NTM: variants seen among roughly 807,000 people sequenced by gnomAD.
The protein encoded by NTM is IgLON family member 2.
NTM carries 13 observed loss-of-function variants against 42.1 expected under a neutral mutation model. The observed-to-expected ratio is 0.31, with a 90% CI of 0.20 to 0.49. NTM has a LOEUF of 0.49. Among genes scored for constraint, NTM ranks in the 20% least tolerant of loss-of-function variants. The pLI is 0.99. For missense variants in NTM, 373 were observed against 452.8 expected (o/e 0.82, Z 1.60); for synonymous variants, 187 against 179.2 (o/e 1.04, Z -0.35).
chr11:131,752,174 G>T (rs1198515466), intron 1 of NTM, among the ~76,000 whole-genome samples: 1 of 152,168 alleles, frequency 6.6e-6, no homozygotes, highest in Non-Finnish European at 1.5e-5. Context: ...AATGGAAAAT[G>T]CTAGAACCAC....
At chr11:132,115,394 A>G (rs2063743468) in intron 2 of NTM, among the ~76,000 whole-genome samples, 1 of 152,244 alleles carries the variant, frequency 6.6e-6, no homozygotes. Flanking sequence ...CACAATGTAT[A>G]TGAATGGGAA....
chr11:131,892,911 C>T (rs1195133009), intron 1 of NTM, among the ~76,000 whole-genome samples: 2 of 152,230 alleles, frequency 1.3e-5, no homozygotes, highest in African/African-American at 2.4e-5. Context: ...GCCTGCTGTT[C>T]TTCCCTGGGA....
At chr11:132,009,795 C>T (rs1254570123) in intron 2 of NTM, among the ~76,000 whole-genome samples, 2 of 152,156 alleles carry the variant, frequency 1.3e-5, no homozygotes, top group Non-Finnish European at 2.9e-5. Context: ...CATCCGTCAT[C>T]GGTGTGTTTT....
chr11:131,789,581 A>G lies in NTM; in HGVS notation c.83-121983A>G, dbSNP rs1220420314. Reference sequence around the variant, plus strand: ...GAAGAAGAAGAAGAAGAAGAAGAAGAAGAAGAAGAAGAAGAAGAAGAAGAA... The same window carrying G: ...GAAGAAGAAGAAGAAGAAGAAGAAGGAGAAGAAGAAGAAGAAGAAGAAGAA... On this transcript the variant is annotated intron_variant, in intron 1 of 8. Transcript: ENST00000683400. Among the ~76,000 whole-genome samples, 39 of 59,010 alleles carry G rather than the reference A, an allele frequency of 6.6e-4. 3 individuals carry two copies. The highest frequency in any genetic ancestry group is 2.4e-3 in the African/African-American group (27 of 11,108). 38.7% of individuals were successfully genotyped at this position (59,010 alleles called of 152,430 possible). A position where few individuals can be genotyped will look rare whatever the true frequency, so the allele number is the denominator to read the frequency against.
At chr11:132,236,869 G>C (rs1389017936) in intron 4 of NTM, among the ~76,000 whole-genome samples, 1 of 152,194 alleles carries the variant, frequency 6.6e-6, no homozygotes, top group African/African-American at 2.4e-5. Flanking sequence ...TCGAAGGCCA[G>C]GTTACCGAAG....
chr11:131,717,529 C>T (rs571320215), intron 1 of NTM, among the ~76,000 whole-genome samples: 7 of 152,310 alleles, frequency 4.6e-5, no homozygotes, highest in African/African-American at 1.2e-4. Context: ...TCACGTTGCT[C>T]ATTACTAGTG....
chr11:131,649,063 A>G (rs2066134578), intron 1 of NTM, among the ~76,000 whole-genome samples: 1 of 152,168 alleles, frequency 6.6e-6, no homozygotes, highest in South Asian at 2.1e-4. Flanking sequence ...GCACTATGAC[A>G]GGTGCACGGG....
chr11:131,975,826 G>T (rs73031514), intron 2 of NTM, among the ~76,000 whole-genome samples: 3,054 of 152,120 alleles, frequency 0.02, 44 homozygotes, highest in Non-Finnish European at 0.03. Context: ...TCAATCTCTG[G>T]TCATCAGGAA....
At chr11:131,677,113 A>G (rs1441972423) in intron 1 of NTM, among the ~76,000 whole-genome samples, 1 of 152,198 alleles carries the variant, frequency 6.6e-6, no homozygotes, top group Non-Finnish European at 1.5e-5. Flanking sequence ...GCACGGTGGG[A>G]TAGGAGGAAC....
At chr11:131,996,997 C>T (rs2068175268) in intron 2 of NTM, among the ~76,000 whole-genome samples, 1 of 152,198 alleles carries the variant, frequency 6.6e-6, no homozygotes, top group Admixed American at 6.5e-5. Flanking sequence ...CAACCCATAG[C>T]CTCCATGATC....
chr11:132,118,020 A>T (rs1488677860), intron 2 of NTM, among the ~76,000 whole-genome samples: 1 of 152,056 alleles, frequency 6.6e-6, no homozygotes, highest in Non-Finnish European at 1.5e-5. Flanking sequence ...CAATCTTGTC[A>T]CTCCCATCTG....
chr11:131,374,281 TAGG>T (rs1281105246), intron 1 of NTM, among the ~76,000 whole-genome samples: 1 of 152,152 alleles, frequency 6.6e-6, no homozygotes, highest in Non-Finnish European at 1.5e-5. Context: ...CCCTTTGTAT[TAGG>T]AGGCCACCCC....
chr11:132,092,279 A>G (rs543729843), intron 2 of NTM, among the ~76,000 whole-genome samples: 52 of 152,298 alleles, frequency 3.4e-4, no homozygotes, highest in African/African-American at 1.2e-3. Context: ...CATTATTTAT[A>G]CTTGTTGTCG....
rs201919934 is a variant in NTM, at chr11:132,261,574, A to G, written c.527-46115A>G. On this transcript the variant is annotated intron_variant, in intron 4 of 8. Transcript: ENST00000683400. The stretch of plus-strand genomic sequence containing the variant: ...GCAGAACTGGTAGTTCAGACTGCCC[A>G]TGTTCCAGACCTAGTTAGATGGAGG... Among the ~76,000 whole-genome samples the G allele has an allele frequency of 5.8e-4, 88 of 152,342 alleles. 1 individual carries two copies. In the East Asian group the frequency reaches 0.014, roughly 25 times the overall value.
At chr11:131,953,736 AAAAG>A (rs748761843) in intron 2 of NTM, among the ~76,000 whole-genome samples, 111 of 152,292 alleles carry the variant, frequency 7.3e-4, no homozygotes, top group Admixed American at 2.6e-3. Context: ...TTTCTAATGA[AAAAG>A]AAGGAGTAAA....
intron 1 of NTM, among the ~76,000 whole-genome samples, chr11:131,384,973 A>G (rs1337165742): frequency 6.6e-6 from 1 of 152,174 alleles, no homozygotes. Flanking sequence ...CCTTGCCTCC[A>G]CAGTCTAAGG....
At chr11:131,735,981 C>T (rs1414621589) in intron 1 of NTM, among the ~76,000 whole-genome samples, 1 of 152,004 alleles carries the variant, frequency 6.6e-6, no homozygotes, top group African/African-American at 2.4e-5. Context: ...TAGAGGTGCA[C>T]ACCAACACAC....
intron 1 of NTM, among the ~76,000 whole-genome samples, chr11:131,639,670 G>A (rs1033787952): frequency 6.6e-6 from 1 of 152,042 alleles, no homozygotes; most frequent in Non-Finnish European, 1.5e-5. Context: ...AAAAGTGAGT[G>A]GCCCTGGCCC....
Position 131,888,194 on chromosome 11 carries a change from G to A in NTM, c.83-23370G>A, listed in dbSNP as rs148522972. ...CGTGCGCCTGTGGTTTCAGCTACTC[G>A]GGAGGCTGAGGCAGGAGAATCGCTT... On this transcript the variant is annotated intron_variant, in intron 1 of 8. Coordinates refer to ENST00000683400, the MANE Select transcript of NTM (RefSeq NM_001352005.2). 2.9e-3 allele frequency among the ~76,000 whole-genome samples: 443 copies of A among 152,140 alleles called. 2 individuals are homozygous for A. The highest frequency in any genetic ancestry group is 0.01 in the African/African-American group (421 of 41,524).
Sources: gnomAD v4.1 joint callset for allele counts (sites outside exome capture counted in the v4.1 genomes callset) on GRCh38, gnomAD v4.1.1 for gene constraint, MANE v1.5 for transcripts, NCBI Gene and HGNC (gene_info 2026-07-23, HGNC 2026-07-21) for gene names.